The following PARD3 variants were observed in gnomAD, a reference collection of about 807,000 sequenced individuals.
PARD3 encodes partitioning defective 3 homolog.
Under a neutral mutation model 155.4 loss-of-function variants are expected in PARD3, and 75 were observed. The observed-to-expected ratio is 0.48, with a 90% CI of 0.40 to 0.58. The LOEUF is 0.58. Among genes scored for constraint, PARD3 ranks in the 20% least tolerant of loss-of-function variants. The pLI is 0.00. For missense variants in PARD3, 1,642 were observed against 1,721.7 expected, an observed-to-expected ratio of 0.95 and a Z score of 0.82; for synonymous variants, 576 against 610.5, an observed-to-expected ratio of 0.94 and a Z score of 0.83.
At chr10:34,622,037 C>G (rs139883060) in intron 2 of PARD3, among the ~76,000 whole-genome samples, 1 of 152,276 alleles carries the variant, frequency 6.6e-6, no homozygotes, top group East Asian at 1.9e-4. Context: ...AACCAGCACT[C>G]ATAAAGGTGG....
At chr10:34,546,610 C>A (rs2133932658) in intron 2 of PARD3, among the ~76,000 whole-genome samples, 1 of 151,572 alleles carries the variant, frequency 6.6e-6, no homozygotes, top group Non-Finnish European at 1.5e-5. Flanking sequence ...ATTTAAATAA[C>A]TACTGCAAAA....
At chr10:34,278,615 T>C (rs1660613) in intron 21 of PARD3, among the ~76,000 whole-genome samples, 72,098 of 151,782 alleles carry the variant, frequency 0.48, 18,425 homozygotes, top group Non-Finnish European at 0.58. Context: ...GCATCCCCCT[T>C]TGCTGGGCTC....
chr10:34,152,658 T>C (rs1948831708), intron 22 of PARD3, among the ~76,000 whole-genome samples: 1 of 152,218 alleles, frequency 6.6e-6, no homozygotes, highest in Admixed American at 6.5e-5. Context: ...TGGCATCTAA[T>C]ACTTTATGTT....
At chr10:34,686,792 T>C (rs2093960054) in intron 2 of PARD3, among the ~76,000 whole-genome samples, 1 of 151,020 alleles carries the variant, frequency 6.6e-6, no homozygotes, top group African/African-American at 2.4e-5. Flanking sequence ...CTCACACCTG[T>C]AATCCTAGCA....
chr10:34,739,677 T>C (rs2094974240), intron 1 of PARD3, among the ~76,000 whole-genome samples: 1 of 152,146 alleles, frequency 6.6e-6, no homozygotes, highest in African/African-American at 2.4e-5. Context: ...TTTGGAATGT[T>C]CTAGAATGAA....
intron 22 of PARD3, among the ~76,000 whole-genome samples, chr10:34,154,210 A>G (rs1040101505): frequency 6.6e-6 from 1 of 152,230 alleles, no homozygotes; most frequent in Non-Finnish European, 1.5e-5. Flanking sequence ...CTACTAAATG[A>G]TCATGTGTAT....
chr10:34,132,483 T>C (rs928355566), intron 22 of PARD3, among the ~76,000 whole-genome samples: 1 of 152,216 alleles, frequency 6.6e-6, no homozygotes, highest in Non-Finnish European at 1.5e-5. Context: ...ATGCCATGCA[T>C]ATCACTTTGT....
chr10:34,425,549 C>T (rs556418352), intron 5 of PARD3, among the ~76,000 whole-genome samples: 2 of 152,280 alleles, frequency 1.3e-5, no homozygotes, highest in South Asian at 4.1e-4. Flanking sequence ...GTGTGCACCA[C>T]TATGTCTGGC....
chr10:34,640,622 T>A (rs1422894596), intron 2 of PARD3, among the ~76,000 whole-genome samples: 1 of 146,414 alleles, frequency 6.8e-6, no homozygotes, highest in East Asian at 2.1e-4. Context: ...AAGCACGAGT[T>A]TGCTTGAAAC....
intron 5 of PARD3, among the ~76,000 whole-genome samples, chr10:34,436,510 C>T (rs936275655): frequency 1.3e-5 from 2 of 152,130 alleles, no homozygotes; most frequent in African/African-American, 2.4e-5. Context: ...CAACATGGTA[C>T]GATGTCTACT....
At chr10:34,651,132 G>A (rs898506688) in intron 2 of PARD3, among the ~76,000 whole-genome samples, 1 of 150,972 alleles carries the variant, frequency 6.6e-6, no homozygotes, top group African/African-American at 2.4e-5. Context: ...GGCTGAGTGT[G>A]TGAGGAATTA....
rs149251088 is a variant in PARD3, at chr10:34,286,854, G to A, written c.3066-2609C>T. On this transcript the variant is annotated intron_variant, in intron 20 of 24. Coordinates refer to ENST00000374788, the MANE Select transcript of PARD3 (RefSeq NM_001184785.2). Reference sequence around the variant, plus strand: ...GGAGGCTATGGTGATGAACCAGCTGGTAATGGAGGACAGTGAGAGAAGTGC... The same window carrying A: ...GGAGGCTATGGTGATGAACCAGCTGATAATGGAGGACAGTGAGAGAAGTGC... Among the ~76,000 whole-genome samples, 457 of 152,302 alleles carry A rather than the reference G, an allele frequency of 3.0e-3. 1 individual carries two copies. Among genetic ancestry groups the A allele is most frequent in the Non-Finnish European group, 4.4e-3 (300 of 68,022 alleles).
Position 34,344,190 on chromosome 10 carries a change from T to A in PARD3, c.2219-2374A>T, listed in dbSNP as rs1302008420. The A allele has an allele frequency of 3.0e-6, 3 of 984,486 alleles. No individual in the cohort carries two copies. In the African/African-American group the frequency reaches 5.2e-5, roughly 17 times the overall value. 61.0% of individuals were successfully genotyped at this position (984,486 alleles called of 1,614,324 possible). On this transcript the variant is annotated intron_variant, in intron 15 of 24. Transcript: ENST00000374788. ...AGTCCCAGGCTTACAAATGACAATGTGTGATGTCTTTTACGAAATGGATGT... is the reference window on the plus strand; with the variant it reads ...AGTCCCAGGCTTACAAATGACAATGAGTGATGTCTTTTACGAAATGGATGT...
intron 2 of PARD3, among the ~76,000 whole-genome samples, chr10:34,598,086 C>A (rs1199074296): frequency 6.6e-6 from 1 of 152,156 alleles, no homozygotes; most frequent in East Asian, 1.9e-4. Context: ...GCCTAAGTGT[C>A]TATCTGTAAG....
chr10:34,376,566 C>G (rs575714263), intron 10 of PARD3, among the ~76,000 whole-genome samples: 1 of 152,262 alleles, frequency 6.6e-6, no homozygotes, highest in Admixed American at 6.5e-5. Flanking sequence ...GGAAGCAGGA[C>G]CCTAACATAA....
chr10:34,388,512 T>A (rs1341016226), intron 7 of PARD3, among the ~76,000 whole-genome samples: 1 of 152,192 alleles, frequency 6.6e-6, no homozygotes, highest in East Asian at 1.9e-4. Context: ...AACTTAAAGC[T>A]GTATCAAACA....
intron 2 of PARD3, among the ~76,000 whole-genome samples, chr10:34,622,849 A>T (rs1372516278): frequency 7.1e-6 from 1 of 140,268 alleles, no homozygotes; most frequent in African/African-American, 2.7e-5. Flanking sequence ...TTTTTTTAGT[A>T]CACAGGCCAT....
intron 22 of PARD3, among the ~76,000 whole-genome samples, chr10:34,208,653 C>T (rs748345788): frequency 2.6e-5 from 4 of 152,124 alleles, no homozygotes; most frequent in Admixed American, 1.3e-4. Context: ...CGTGACCCAA[C>T]GGTCCCCTAG....
At chr10:34,619,132 C>G (rs1310149785) in intron 2 of PARD3, among the ~76,000 whole-genome samples, 11 of 151,088 alleles carry the variant, frequency 7.3e-5, no homozygotes, top group Non-Finnish European at 4.4e-5. Flanking sequence ...CTCACTGCAA[C>G]TTCCACCTCC....
Sources: allele counts gnomAD v4.1 joint callset (sites outside exome capture counted in the v4.1 genomes callset), GRCh38; gene constraint gnomAD v4.1.1; transcripts MANE v1.5; gene names NCBI Gene and HGNC (gene_info 2026-07-23, HGNC 2026-07-21).